Variants in ABCC8 observed in about 807,000 individuals in gnomAD.
ABCC8 encodes the protein ATP binding cassette subfamily C member 8, also known as ATP-binding cassette sub-family C member 8.
Under a neutral mutation model 188.0 loss-of-function variants are expected in ABCC8, and 137 were observed. The ratio of observed to expected loss-of-function variants is 0.73; its 90% CI spans 0.63 to 0.84. The LOEUF (loss-of-function observed/expected upper bound fraction) is 0.84, where lower values mean the gene tolerates loss of function less well. Ranked by LOEUF, ABCC8 falls within the 40% of genes least tolerant of loss-of-function variation. The pLI is 0.00. For missense variants in ABCC8, 1,750 were observed against 2,072.7 expected (o/e 0.84, Z 3.02); for synonymous variants, 797 against 846.5 (o/e 0.94, Z 1.01).
chr11:17,470,401 T>C (rs976766234), intron 2 of ABCC8, 179 bp from the exon 3 acceptor site: 4 of 496,736 alleles, frequency 8.1e-6, no homozygotes, highest in African/African-American at 4.2e-5. Flanking sequence ...TGCCAGTACA[T>C]GGAGTAGAGC....
intron 10 of ABCC8, among the ~76,000 whole-genome samples, chr11:17,436,707 G>A (rs1017495217): frequency 6.6e-6 from 1 of 152,322 alleles, no homozygotes; most frequent in African/African-American, 2.4e-5. Context: ...GGCCTGAAAG[G>A]CTGCCATCAA....
rs765299942 is a variant in ABCC8, at chr11:17,404,712, T to C, written c.3400-43A>G. ...GAGAGAGTGAGGTGAATTTTGGTAT[T>C]GACTGTGTTTAGAGTGCTACTGGCC... is the stretch of plus-strand genomic sequence containing the variant. On this transcript the variant is annotated intron_variant, in intron 27 of 38. Coordinates refer to ENST00000389817, the MANE Select transcript of ABCC8 (RefSeq NM_000352.6). This position sits in a 1 kb window ranked among gnomAD's most constrained non-coding sequence, Gnocchi z 4.7. 14 of 1,566,300 alleles carry C rather than the reference T, an allele frequency of 8.9e-6. No homozygotes were observed. In the Admixed American group the frequency reaches 2.7e-4, roughly 30 times the overall value.
intron 3 of ABCC8, among the ~76,000 whole-genome samples, chr11:17,464,549 CAT>C (rs1848029478): frequency 6.6e-6 from 1 of 152,144 alleles, no homozygotes; most frequent in Admixed American, 6.5e-5. Context: ...TTGTGAGAAA[CAT>C]ATGGAAAGCA....
rs1425396182 is a variant in ABCC8 at position 17,460,695 on chromosome 11, G to T, written c.823-19C>A. 1.0e-5 allele frequency: 16 copies of T among 1,604,422 alleles called. No individual in the cohort carries two copies. The highest frequency in any genetic ancestry group is 1.4e-5 in the Non-Finnish European group (16 of 1,179,944). ...CCTTCCGCTGCCCAGAGAGACCATGGCCAGGTCAGAGTGCCTGAGGGCTAA... is the reference window on the plus strand; with the variant it reads ...CCTTCCGCTGCCCAGAGAGACCATGTCCAGGTCAGAGTGCCTGAGGGCTAA... On this transcript the variant is annotated intron_variant, in intron 5 of 38. Transcript: ENST00000389817.
chr11:17,462,291 G>A (rs1464959071), intron 4 of ABCC8, among the ~76,000 whole-genome samples: 1 of 152,194 alleles, frequency 6.6e-6, no homozygotes, highest in Admixed American at 6.5e-5. Context: ...GCATCACAGG[G>A]TTCCTGTGAG....
rs201260319 is a variant in ABCC8 at position 17,443,164 on chromosome 11, C to A, written c.1467+14G>T. The A allele has an allele frequency of 8.1e-6, 13 of 1,613,900 alleles. No homozygotes were observed. Among genetic ancestry groups the A allele is most frequent in the South Asian group, 1.1e-5 (1 of 91,056 alleles). ...GGGAAGAGGGACAAAACACACACAC[C>A]TTTGGGCACTCACCAGTGTGCTCCG... On this transcript the variant is annotated intron_variant, in intron 9 of 38. Coordinates refer to ENST00000389817, the MANE Select transcript of ABCC8 (RefSeq NM_000352.6).
In ABCC8 at chr11:17,404,680, C is replaced by T. The variant is rs537597060; in HGVS notation, c.3400-11G>A. 13 of 1,598,598 alleles carry T rather than the reference C, an allele frequency of 8.1e-6. 1 individual carries two copies. In the East Asian group the frequency reaches 2.3e-4, roughly 28 times the overall value. ...CGTGGATGGGATGTGCTGAGGGAGACGAGGGGGAGAGAGTGAGGTGAATTT... is the reference window on the plus strand; with the variant it reads ...CGTGGATGGGATGTGCTGAGGGAGATGAGGGGGAGAGAGTGAGGTGAATTT... On this transcript the variant is annotated splice_polypyrimidine_tract_variant and intron_variant, in intron 27 of 38. Transcript: ENST00000389817. The surrounding 1 kb of genome is among the most constrained non-coding windows in gnomAD (Gnocchi z 4.7).
At chr11:17,451,722 C>T (rs542483155) in intron 7 of ABCC8, among the ~76,000 whole-genome samples, 1 of 152,322 alleles carries the variant, frequency 6.6e-6, no homozygotes, top group South Asian at 2.1e-4. Context: ...TTCCCAATGC[C>T]CATTCTCCTC....
intron 28 of ABCC8, chr11:17,402,964 A>G (rs1169444462): frequency 1.7e-5 from 3 of 175,324 alleles, no homozygotes; most frequent in Non-Finnish European, 3.4e-5. Flanking sequence ...CAATGCTTAG[A>G]CACAGCCTGA....
In ABCC8 at chr11:17,453,221, T is replaced by C. The variant is rs1408714796; in HGVS notation, c.1074A>G (p.Leu358=). The change falls in exon 7 of 39, where the codon TTA becomes TTG. Residue 358 remains leucine, a synonymous_variant. Coordinates refer to ENST00000389817, the MANE Select transcript of ABCC8 (RefSeq NM_000352.6). ...GGAGGGCAAGGAACAGAAGCACAGC[T>C]AAGACGTAGGCATTGGCAAGGAACT... ...SQEFLANAYV[L]AVLLFLALLL... is the part of the protein sequence containing the mutation. 1 of 1,614,160 alleles carries C rather than the reference T, an allele frequency of 6.2e-7. No homozygotes were observed.
intron 33 of ABCC8, 121 bp downstream of exon 33, chr11:17,396,795 A>T: frequency 7.8e-7 from 1 of 1,287,474 alleles, no homozygotes; most frequent in Non-Finnish European, 1.1e-6. Flanking sequence ...GCGATGTCTG[A>T]ATAGTGAGAG....
intron 16 of ABCC8, among the ~76,000 whole-genome samples, chr11:17,419,645 A>C (rs1027741325): frequency 1.3e-5 from 2 of 152,184 alleles, no homozygotes; most frequent in Non-Finnish European, 2.9e-5. Flanking sequence ...TTTTACAAGA[A>C]ATTTGGAGGA....
chr11:17,459,358 C>T (rs1957104044), intron 6 of ABCC8, among the ~76,000 whole-genome samples: 1 of 152,142 alleles, frequency 6.6e-6, no homozygotes, highest in South Asian at 2.1e-4. Context: ...CTTTCATATT[C>T]CCACAGCCCA....
rs745835224 is a variant in ABCC8, at chr11:17,413,392, A to T, written c.2475+2T>A. The T allele has an allele frequency of 1.2e-6, 2 of 1,613,858 alleles. No individual in the cohort carries two copies. The highest frequency in any genetic ancestry group is 1.7e-6 in the Non-Finnish European group (2 of 1,179,996). ...AAAAACCCCTCAGAGGCTGCTACTA[A>T]CCCGTTCCCCAATCTGGGTCTGGTC... On this transcript the variant is annotated splice_donor_variant, in intron 20 of 38. Transcript: ENST00000389817. LOFTEE classifies it high-confidence loss of function.
At chr11:17,408,952 CTT>C (rs376681171) in intron 22 of ABCC8, among the ~76,000 whole-genome samples, 206 of 125,744 alleles carry the variant, frequency 1.6e-3, no homozygotes, top group African/African-American at 4.9e-3. Context: ...ATCAATAAAT[CTT>C]TTTTTTTTTT....
chr11:17,432,541 G>C (rs866774234), intron 10 of ABCC8, among the ~76,000 whole-genome samples: 2 of 152,178 alleles, frequency 1.3e-5, no homozygotes, highest in Non-Finnish European at 2.9e-5. Context: ...GGATGGGAGA[G>C]TTGGCTGGCT....
At chr11:17,395,413 TG>T (rs1953862175) in intron 35 of ABCC8, 138 bp from the exon 36 acceptor site, 13 of 1,511,548 alleles carry the variant, frequency 8.6e-6, no homozygotes, top group Non-Finnish European at 8.9e-6. Context: ...TGGCAGTGGG[TG>T]GGGGACAGCA....
intron 7 of ABCC8, among the ~76,000 whole-genome samples, chr11:17,451,401 T>C (rs1216008773): frequency 6.6e-6 from 1 of 152,248 alleles, no homozygotes; most frequent in Non-Finnish European, 1.5e-5. Context: ...GAGGAAATAC[T>C]CTGCTTTCCC....
rs865955550 is a variant in ABCC8, at chr11:17,476,661, A to G, written c.116T>C (p.Leu39Pro). Reference protein sequence around the residue: ...DALNVVPHVFLLFITFPILFI... With the variant: ...DALNVVPHVFPLFITFPILFI... ...GAGGATGGGGAAGGTGATGAAGAGT[A>G]GGAAGACGTGCGGCACCACGTTGAG... Residue 39 changes from leucine to proline, a missense_variant, in exon 1 of 39, where the codon CTA becomes CCA. Leu to Pro is a moderately conservative substitution (Grantham distance 98). Coordinates refer to ENST00000389817, the MANE Select transcript of ABCC8 (RefSeq NM_000352.6). The G allele has an allele frequency of 6.2e-7, 1 of 1,612,408 alleles. No individual in the cohort carries two copies. The highest frequency in any genetic ancestry group is 1.1e-5 in the South Asian group (1 of 90,876).
Sources: gnomAD v4.1 joint callset for allele counts (sites outside exome capture counted in the v4.1 genomes callset) on GRCh38, gnomAD v4.1.1 for gene constraint, Gnocchi (gnomAD v3.1) non-coding constraint, MANE v1.5 for transcripts, NCBI Gene and HGNC (gene_info 2026-07-23, HGNC 2026-07-21) for gene names.